The following TMEM243 variants were observed in gnomAD, a reference collection of about 807,000 sequenced individuals.
The protein encoded by TMEM243 is transmembrane protein 243.
TMEM243 carries 20 observed loss-of-function variants against 15.0 expected under a neutral mutation model. The ratio of observed to expected loss-of-function variants is 1.33; its 90% CI spans 0.94 to 1.93. The LOEUF is 1.93. Among genes scored for constraint, TMEM243 ranks in the 30% most tolerant of loss-of-function variants. The probability of loss-of-function intolerance (pLI) is 0.00; values close to 1 mark genes in which losing one functional copy is unlikely to be tolerated. For synonymous variants in TMEM243, 72 were observed against 52.7 expected, an observed-to-expected ratio of 1.37 and a Z score of -1.59; for missense variants, 156 against 142.1, an observed-to-expected ratio of 1.10 and a Z score of -0.50.
At chr7:87,202,375 C>A (rs1170560015) in intron 1 of TMEM243, among the ~76,000 whole-genome samples, 1 of 152,158 alleles carries the variant, frequency 6.6e-6, no homozygotes, top group Non-Finnish European at 1.5e-5. Flanking sequence ...TACAAAAAAT[C>A]AATGGGACAA....
upstream of TMEM243, among the ~76,000 whole-genome samples, chr7:87,219,960 T>A (rs1023084395): frequency 2.4e-4 from 36 of 152,232 alleles, no homozygotes; most frequent in Non-Finnish European, 4.4e-4. Flanking sequence ...TAATTTCCCA[T>A]GTTTTCCCAA....
At chr7:87,214,215 G>T (rs921203761) in intron 1 of TMEM243, among the ~76,000 whole-genome samples, 6 of 152,208 alleles carry the variant, frequency 3.9e-5, no homozygotes, top group African/African-American at 1.2e-4. Context: ...ACTGACTTCA[G>T]ATGATACCAC....
chr7:87,210,519 C>T (rs1426512078), intron 1 of TMEM243, among the ~76,000 whole-genome samples: 3 of 152,224 alleles, frequency 2.0e-5, no homozygotes, highest in Non-Finnish European at 4.4e-5. Context: ...GGTAAACAGA[C>T]CCATTCCAAA....
rs1017923267 is a variant in TMEM243, at chr7:87,196,524, A to G, written c.*112T>C. Reference sequence around the variant, plus strand: ...ATTAACATTTACAATTAACATGAAAATCATGTATCAGACTTCTGCAGGAGA... The same window carrying G: ...ATTAACATTTACAATTAACATGAAAGTCATGTATCAGACTTCTGCAGGAGA... On this transcript the variant is annotated 3_prime_UTR_variant, in exon 4 of 4. Coordinates refer to ENST00000257637, the MANE Select transcript of TMEM243 (RefSeq NM_024315.4). 2.8e-5 allele frequency: 29 copies of G among 1,037,086 alleles called. No homozygotes were observed. The highest frequency in any genetic ancestry group is 3.7e-5 in the Non-Finnish European group (26 of 708,740). The allele number at this position is 1,037,086 out of a possible 1,614,324, so 64.2% of individuals were successfully genotyped here. A position where few individuals can be genotyped will look rare whatever the true frequency, so the allele number is the denominator to read the frequency against.
chr7:87,216,701 G>C (rs1207444458), intron 1 of TMEM243: 3 of 152,188 alleles, frequency 2.0e-5, no homozygotes, highest in African/African-American at 7.2e-5. Flanking sequence ...TATATTAATA[G>C]TCATTGTTCT....
intron 1 of TMEM243, among the ~76,000 whole-genome samples, chr7:87,212,305 T>C (rs1161942269): frequency 1.3e-5 from 2 of 152,202 alleles, no homozygotes; most frequent in East Asian, 1.9e-4. Context: ...CCAATTTCTA[T>C]GGCAGCTCCA....
At position 87,215,969 on chromosome 7, in the gene TMEM243, C is replaced by A. The variant is rs540123073; in HGVS notation, c.78+3457G>T. On this transcript the variant is annotated intron_variant, in intron 1 of 3. Transcript: ENST00000257637. Reference sequence around the variant, plus strand: ...GCCTGAGCAATACAGGAAGCCCCATCTCTACAACAAATTAAAAAGGGCCAG... The same window carrying A: ...GCCTGAGCAATACAGGAAGCCCCATATCTACAACAAATTAAAAAGGGCCAG... Among the ~76,000 whole-genome samples the A allele has an allele frequency of 1.1e-4, 17 of 152,184 alleles. No individual in the cohort carries two copies. In the South Asian group the frequency reaches 3.1e-3, roughly 28 times the overall value.
chr7:87,199,134 G>C (rs1801602745), intron 1 of TMEM243, 77 bp from the exon 2 acceptor site: 4 of 1,225,638 alleles, frequency 3.3e-6, no homozygotes, highest in African/African-American at 1.6e-5. Flanking sequence ...CAAGGCATTT[G>C]GATGGTTTAC....
At position 87,205,997 on chromosome 7, in the gene TMEM243, T is replaced by C. The variant is rs1274239430; in HGVS notation, c.79-6940A>G. Among the ~76,000 whole-genome samples, 2 of 152,128 alleles carry C rather than the reference T, an allele frequency of 1.3e-5. 1 individual carries two copies. Among genetic ancestry groups the C allele is most frequent in the South Asian group, 4.1e-4 (2 of 4,826 alleles). On this transcript the variant is annotated intron_variant, in intron 1 of 3. Coordinates refer to ENST00000257637, the MANE Select transcript of TMEM243 (RefSeq NM_024315.4). ...GGTAATTTATAAAGAAAAAGAGATT[T>C]AATGGACTCACAGTTTCAAGTGGCA...
At chr7:87,203,460 T>C (rs567465014) in intron 1 of TMEM243, among the ~76,000 whole-genome samples, 5 of 151,858 alleles carry the variant, frequency 3.3e-5, no homozygotes, top group East Asian at 3.9e-4. Flanking sequence ...AAAAAAAATA[T>C]AAAAATTATC....
chr7:87,197,355 A>T (rs775177770), intron 3 of TMEM243, among the ~76,000 whole-genome samples: 40 of 152,212 alleles, frequency 2.6e-4, no homozygotes, highest in Non-Finnish European at 4.4e-4. Context: ...CTAAAGGAAC[A>T]TGAAACAATG....
chr7:87,218,878 A>C (rs1420964841), intron 1 of TMEM243, among the ~76,000 whole-genome samples: 2 of 152,146 alleles, frequency 1.3e-5, no homozygotes, highest in African/African-American at 2.4e-5. Context: ...GCCTAGAATA[A>C]CGTATGGTAG....
intron 1 of TMEM243, among the ~76,000 whole-genome samples, chr7:87,201,258 C>A (rs1285247485): frequency 6.6e-6 from 1 of 152,218 alleles, no homozygotes; most frequent in Non-Finnish European, 1.5e-5. Context: ...AGCCCTCCTA[C>A]TTCTAATGCT....
upstream of TMEM243, among the ~76,000 whole-genome samples, chr7:87,219,886 C>A (rs1803391200): frequency 6.6e-6 from 1 of 152,252 alleles, no homozygotes; most frequent in African/African-American, 2.4e-5. Flanking sequence ...CCGGCTAGCA[C>A]AGCAAATCGC....
rs905651451 is a variant in TMEM243 at position 87,209,353 on chromosome 7, G to C, written c.78+10073C>G. On this transcript the variant is annotated intron_variant, in intron 1 of 3. Transcript: ENST00000257637. ...GAGACTGGGGAGAAGAGGTTGAGAG[G>C]GGGGAAGAAGAGGGGAAGAGAGAGA... is the stretch of plus-strand genomic sequence containing the variant. Among the ~76,000 whole-genome samples, 3 of 151,914 alleles carry C rather than the reference G, an allele frequency of 2.0e-5. No homozygotes were observed. In the South Asian group the frequency reaches 6.2e-4, roughly 32 times the overall value.
At chr7:87,198,094 G>T in intron 2 of TMEM243, 49 bp from the exon 3 acceptor site, 1 of 1,485,082 alleles carries the variant, frequency 6.7e-7, no homozygotes, top group Non-Finnish European at 9.3e-7. Context: ...TCCAAGACTT[G>T]GTAATTACCA....
intron 1 of TMEM243, among the ~76,000 whole-genome samples, chr7:87,212,355 GT>G (rs1457232162): frequency 1.3e-5 from 2 of 152,116 alleles, no homozygotes; most frequent in East Asian, 3.9e-4. Flanking sequence ...GGACACTGAG[GT>G]TTATCCACCC....
chr7:87,207,976 T>A (rs1802349494), intron 1 of TMEM243, among the ~76,000 whole-genome samples: 1 of 152,070 alleles, frequency 6.6e-6, no homozygotes, highest in African/African-American at 2.4e-5. Flanking sequence ...ACGAGAACAG[T>A]ATGGGGGAAA....
rs546569192 is a variant in TMEM243, at chr7:87,196,556, A to G, written c.*80T>C. The G allele has an allele frequency of 7.9e-5, 111 of 1,401,144 alleles. No individual in the cohort carries two copies. In the African/African-American group the frequency reaches 1.5e-3, roughly 19 times the overall value. The allele number at this position is 1,401,144 out of a possible 1,614,324, so 86.8% of individuals were successfully genotyped here. On this transcript the variant is annotated 3_prime_UTR_variant, in exon 4 of 4. Coordinates refer to ENST00000257637, the MANE Select transcript of TMEM243 (RefSeq NM_024315.4). Reference sequence around the variant, plus strand: ...ATCAGACTTCTGCAGGAGATTCTTCAGCATACCTTATCCAAAAATTACTCA... The same window carrying G: ...ATCAGACTTCTGCAGGAGATTCTTCGGCATACCTTATCCAAAAATTACTCA...
Sources: gnomAD v4.1 joint callset for allele counts (sites outside exome capture counted in the v4.1 genomes callset) on GRCh38, gnomAD v4.1.1 for gene constraint, MANE v1.5 for transcripts, NCBI Gene and HGNC (gene_info 2026-07-23, HGNC 2026-07-21) for gene names.